DIAPH2: variants seen among roughly 807,000 people sequenced by gnomAD.
The protein encoded by DIAPH2 is protein diaphanous homolog 2.
DIAPH2 carries 35 observed loss-of-function variants against 92.7 expected under a neutral mutation model. The ratio of observed to expected loss-of-function variants is 0.38; its 90% CI spans 0.29 to 0.50. The LOEUF is 0.50. Ranked by LOEUF, DIAPH2 falls within the 20% of genes least tolerant of loss-of-function variation. The pLI is 0.94. For missense variants in DIAPH2, 701 were observed against 819.5 expected, an observed-to-expected ratio of 0.86 and a Z score of 1.77; for synonymous variants, 301 against 280.4, an observed-to-expected ratio of 1.07 and a Z score of -0.73.
At chrX:97,170,667 C>G (rs996630453) in intron 22 of DIAPH2, among the ~76,000 whole-genome samples, 10 of 110,763 alleles carry the variant, frequency 9.0e-5, no homozygotes, top group African/African-American at 3.3e-4. Flanking sequence ...TTACCTGTTA[C>G]AAAAGTAATA....
At chrX:97,024,923 G>T (rs1381333533) in intron 17 of DIAPH2, among the ~76,000 whole-genome samples, 1 of 111,990 alleles carries the variant, frequency 8.9e-6, no homozygotes, top group East Asian at 2.8e-4. Flanking sequence ...CTGGATGGGG[G>T]TCGGAGTGTT....
chrX:96,895,492 C>T (rs1197503380), intron 5 of DIAPH2, among the ~76,000 whole-genome samples: 2 of 111,972 alleles, frequency 1.8e-5, no homozygotes, highest in Non-Finnish European at 3.8e-5. Flanking sequence ...GATTTGGAAT[C>T]ACATAATAAT....
At chrX:97,092,031 C>G (rs1047231018) in intron 19 of DIAPH2, among the ~76,000 whole-genome samples, 1 of 111,398 alleles carries the variant, frequency 9.0e-6, no homozygotes, top group African/African-American at 3.3e-5. Flanking sequence ...TCCAAAATAA[C>G]CCCTTTTCTG....
rs1374537725 is a variant in DIAPH2, at chrX:96,939,566, A to ATATG, written c.1325+185_1325+186insATGT. The stretch of plus-strand genomic sequence containing the variant: ...TGTATGTATATATGTATATATATAT[A>ATATG]TGTGTGTGTGTGTGTATATGTGTGT... On this transcript the variant is annotated intron_variant, in intron 12 of 26. Transcript: ENST00000324765. 6.7e-4 allele frequency among the ~76,000 whole-genome samples: 47 copies of ATATG among 70,484 alleles called. 1 individual carries two copies. The highest frequency in any genetic ancestry group is 2.3e-3 in the African/African-American group (47 of 20,501). The allele number at this position is 70,484 out of a possible 115,157, so 61.2% of individuals were successfully genotyped here.
At chrX:96,897,356 T>C (rs898700376) in intron 5 of DIAPH2, among the ~76,000 whole-genome samples, 10 of 110,453 alleles carry the variant, frequency 9.1e-5, no homozygotes, top group African/African-American at 2.6e-4. Context: ...TTACTTTGAG[T>C]AATGATGGTA....
chrX:96,787,482 T>C (rs781333754), intron 4 of DIAPH2, among the ~76,000 whole-genome samples: 28 of 110,599 alleles, frequency 2.5e-4, no homozygotes, highest in Middle Eastern at 9.5e-3. Context: ...ACATTGTTTT[T>C]AGTTGATTTA....
chrX:97,005,632 C>T (rs754682620), intron 17 of DIAPH2, among the ~76,000 whole-genome samples: 7 of 111,055 alleles, frequency 6.3e-5, no homozygotes, highest in Non-Finnish European at 1.1e-4. Context: ...CTCCGCCTCC[C>T]GGGTTCACGC....
chrX:97,417,804 G>A (rs931475345), intron 25 of DIAPH2, among the ~76,000 whole-genome samples: 2 of 110,983 alleles, frequency 1.8e-5, no homozygotes, highest in African/African-American at 6.5e-5. Flanking sequence ...CCCTGCCCCA[G>A]TGGATGCCTG....
intron 17 of DIAPH2, among the ~76,000 whole-genome samples, chrX:97,011,978 A>G (rs1313575014): frequency 3.7e-5 from 4 of 108,142 alleles, no homozygotes; most frequent in African/African-American, 1.4e-4. Flanking sequence ...GGATTTATAT[A>G]TGCATGTAAG....
intron 4 of DIAPH2, among the ~76,000 whole-genome samples, chrX:96,760,532 T>C (rs2064261139): frequency 9.0e-6 from 1 of 111,072 alleles, no homozygotes; most frequent in Non-Finnish European, 1.9e-5. Flanking sequence ...ACGTAAATCA[T>C]ACATTTTCCC....
chrX:96,894,835 A>G (rs1293065810), intron 5 of DIAPH2, among the ~76,000 whole-genome samples: 1 of 111,140 alleles, frequency 9.0e-6, no homozygotes, highest in Non-Finnish European at 1.9e-5. Context: ...TGATGACCAT[A>G]GTTTGATTCA....
Position 96,939,366 on chromosome X carries a change from AATG to A in DIAPH2, c.1312_1314del (p.Asp438del). 9.8e-7 allele frequency: 1 copy of A among 1,022,916 alleles called. No homozygotes were observed. Among genetic ancestry groups the A allele is most frequent in the Non-Finnish European group, 1.4e-6 (1 of 733,037 alleles). The allele number at this position is 1,022,916 out of a possible 1,213,427, so 84.3% of individuals were successfully genotyped here. ...TCTACAACATTTTTTGCTTATCAGAAATGATTATTATATCAGGTAAGAGGCAGT... is the reference window on the plus strand; with the variant it reads ...TCTACAACATTTTTTGCTTATCAGAAATTATTATATCAGGTAAGAGGCAGT... On this transcript the variant is annotated inframe_deletion, in exon 12 of 27. Coordinates refer to ENST00000324765, the MANE Select transcript of DIAPH2 (RefSeq NM_006729.5).
chrX:97,285,972 A>G (rs1474382927), intron 23 of DIAPH2, among the ~76,000 whole-genome samples: 1 of 107,866 alleles, frequency 9.3e-6, no homozygotes, highest in East Asian at 2.9e-4. Context: ...GGCCGTTTCC[A>G]TGACTTTTCT....
At chrX:97,585,879 A>G (rs765339046) in intron 26 of DIAPH2, among the ~76,000 whole-genome samples, 3 of 112,077 alleles carry the variant, frequency 2.7e-5, no homozygotes, top group African/African-American at 9.7e-5. Context: ...TCTACAACAT[A>G]TGATATTATT....
At chrX:97,095,999 A>G (rs2066866055) in intron 19 of DIAPH2, among the ~76,000 whole-genome samples, 1 of 111,972 alleles carries the variant, frequency 8.9e-6, no homozygotes, top group Admixed American at 9.5e-5. Flanking sequence ...AAATCCTGAA[A>G]TATTTGAAAA....
At chrX:97,532,828 ACTGT>A (rs35723530) in intron 26 of DIAPH2, among the ~76,000 whole-genome samples, 41,837 of 110,038 alleles carry the variant, frequency 0.38, 5,816 homozygotes, top group East Asian at 0.52. Context: ...CTCTGTATAG[ACTGT>A]CTGAGGACAT....
intron 22 of DIAPH2, among the ~76,000 whole-genome samples, chrX:97,231,623 ATTATT>A (rs1264145606): frequency 9.0e-6 from 1 of 111,674 alleles, no homozygotes; most frequent in African/African-American, 3.3e-5. Flanking sequence ...AATATTACCA[ATTATT>A]TTAATATTAT....
intron 1 of DIAPH2, among the ~76,000 whole-genome samples, chrX:96,728,399 G>A (rs1466538056): frequency 9.0e-6 from 1 of 110,507 alleles, no homozygotes; most frequent in Admixed American, 9.6e-5. Flanking sequence ...TAGTAGAGAC[G>A]GGGGTTTCAC....
At chrX:97,497,307 A>ATGGAGT (rs1333998909) in intron 26 of DIAPH2, among the ~76,000 whole-genome samples, 19 of 110,998 alleles carry the variant, frequency 1.7e-4, no homozygotes, top group Middle Eastern at 9.3e-3. Context: ...TAAAGATAAA[A>ATGGAGT]TGGAGTTGGC....
Sources: allele counts gnomAD v4.1 joint callset (sites outside exome capture counted in the v4.1 genomes callset), GRCh38; gene constraint gnomAD v4.1.1; transcripts MANE v1.5; gene names NCBI Gene and HGNC (gene_info 2026-07-23, HGNC 2026-07-21).